The following ZNF787 variants were observed in gnomAD, a reference collection of about 807,000 sequenced individuals.
ZNF787 encodes zinc finger protein 787.
Under a neutral mutation model 16.9 loss-of-function variants are expected in ZNF787, and 7 were observed. The observed-to-expected ratio is 0.42, with a 90% CI of 0.24 to 0.78. ZNF787 has a LOEUF of 0.78. Among genes scored for constraint, ZNF787 ranks in the 30% least tolerant of loss-of-function variants. The probability of loss-of-function intolerance (pLI) is 0.30; values close to 1 mark genes in which losing one functional copy is unlikely to be tolerated. For synonymous variants in ZNF787, 345 were observed against 270.9 expected (o/e 1.27, Z -2.69); for missense variants, 551 against 589.3 (o/e 0.94, Z 0.67).
At chr19:56,107,809 T>C (rs535393) in intron 1 of ZNF787, among the ~76,000 whole-genome samples, 137,956 of 150,556 alleles carry the variant, frequency 0.92, 63,775 homozygotes, top group Non-Finnish European at 0.99. Flanking sequence ...GGCAGCAGCT[T>C]GAAGGCCGGG....
chr19:56,110,326 C>T (rs1383032676), intron 1 of ZNF787, among the ~76,000 whole-genome samples: 1 of 150,542 alleles, frequency 6.6e-6, no homozygotes, highest in Non-Finnish European at 1.5e-5. Context: ...CACGCCACTG[C>T]ACTCCAGCCT....
At position 56,087,986 on chromosome 19, in the gene ZNF787, G is replaced by C; in HGVS notation, c.*37C>G. The C allele has an allele frequency of 7.0e-6, 9 of 1,292,180 alleles. No individual in the cohort carries two copies. Among genetic ancestry groups the C allele is most frequent in the Non-Finnish European group, 8.8e-6 (9 of 1,025,138 alleles). 80.0% of individuals were successfully genotyped at this position (1,292,180 alleles called of 1,614,324 possible). A position where few individuals can be genotyped will look rare whatever the true frequency, so the allele number is the denominator to read the frequency against. On this transcript the variant is annotated 3_prime_UTR_variant, in exon 3 of 3. Transcript: ENST00000610935. Reference sequence around the variant, plus strand: ...GCACGTCGTCGCTCCCGCCAAGCCCGAGGGGCCCTGCCCGCCCCCCCCCCC... The same window carrying C: ...GCACGTCGTCGCTCCCGCCAAGCCCCAGGGGCCCTGCCCGCCCCCCCCCCC...
chr19:56,093,245 G>A (rs1427225642), intron 2 of ZNF787, among the ~76,000 whole-genome samples: 1 of 149,912 alleles, frequency 6.7e-6, no homozygotes, highest in East Asian at 2.0e-4. Flanking sequence ...CACAGGGGAT[G>A]ACAGAATTGA....
At chr19:56,108,578 TG>T (rs2123420659) in intron 1 of ZNF787, among the ~76,000 whole-genome samples, 1 of 152,162 alleles carries the variant, frequency 6.6e-6, no homozygotes, top group Non-Finnish European at 1.5e-5. Flanking sequence ...TTAGCTGGCC[TG>T]TCCTCCCGGC....
intron 2 of ZNF787, among the ~76,000 whole-genome samples, chr19:56,093,022 T>C (rs1985705598): frequency 6.9e-6 from 1 of 145,982 alleles, no homozygotes; most frequent in Admixed American, 6.8e-5. Context: ...GTGGCGGAAG[T>C]GGGCTACCCC....
At chr19:56,117,962 ACT>A (rs1376048329) in intron 1 of ZNF787, among the ~76,000 whole-genome samples, 2 of 152,170 alleles carry the variant, frequency 1.3e-5, no homozygotes, top group African/African-American at 4.8e-5. Context: ...AGACGTCCAC[ACT>A]CTGTGAGCCC....
chr19:56,111,931 G>C (rs533948794), intron 1 of ZNF787, among the ~76,000 whole-genome samples: 2 of 152,206 alleles, frequency 1.3e-5, no homozygotes, highest in Admixed American at 6.5e-5. Context: ...TGGGGACTGA[G>C]TGGAGGCTTC....
At chr19:56,099,721 A>G (rs1308020398) in intron 2 of ZNF787, among the ~76,000 whole-genome samples, 1 of 150,892 alleles carries the variant, frequency 6.6e-6, no homozygotes, top group Admixed American at 6.6e-5. Context: ...AAAAAAAAAA[A>G]AAAAGAAAAG....
At chr19:56,093,162 T>A (rs1038666050) in intron 2 of ZNF787, among the ~76,000 whole-genome samples, 1 of 134,504 alleles carries the variant, frequency 7.4e-6, no homozygotes, top group Non-Finnish European at 1.6e-5. Context: ...ACTGGGATAT[T>A]CCATAGACAC....
At chr19:56,116,173 G>A (rs1250353666) in intron 1 of ZNF787, among the ~76,000 whole-genome samples, 1 of 152,114 alleles carries the variant, frequency 6.6e-6, no homozygotes, top group East Asian at 1.9e-4. Context: ...TGGGCGCGGT[G>A]GCTCACACCT....
rs369628155 is a variant in ZNF787 at position 56,116,908 on chromosome 19, C to T, written c.-11+4264G>A. On this transcript the variant is annotated intron_variant, in intron 1 of 2. Coordinates refer to ENST00000610935, the MANE Select transcript of ZNF787 (RefSeq NM_001002836.4). Reference sequence around the variant, plus strand: ...GACAAAAGATCACACTCATCAAGCACGGATTAAATCCCAGGTCCTGGGTGC... The same window carrying T: ...GACAAAAGATCACACTCATCAAGCATGGATTAAATCCCAGGTCCTGGGTGC... 9.6e-4 allele frequency among the ~76,000 whole-genome samples: 146 copies of T among 152,332 alleles called. 1 individual carries two copies. The highest frequency in any genetic ancestry group is 3.3e-3 in the African/African-American group (139 of 41,564).
At chr19:56,097,636 TC>T (rs768374824) in intron 2 of ZNF787, among the ~76,000 whole-genome samples, 11 of 152,224 alleles carry the variant, frequency 7.2e-5, no homozygotes, top group Non-Finnish European at 1.3e-4. Flanking sequence ...TTTATTTTGG[TC>T]TCCTATAAAA....
chr19:56,101,452 G>A (rs933851537), intron 2 of ZNF787, among the ~76,000 whole-genome samples: 2 of 152,226 alleles, frequency 1.3e-5, no homozygotes, highest in African/African-American at 4.8e-5. Flanking sequence ...CTGGACAAGG[G>A]GACCTGACAC....
intron 2 of ZNF787, among the ~76,000 whole-genome samples, chr19:56,096,964 T>C (rs1480880816): frequency 2.0e-5 from 3 of 152,040 alleles, no homozygotes; most frequent in African/African-American, 7.2e-5. Flanking sequence ...CATCGGGAAC[T>C]CCATCTGGGG....
chr19:56,097,891 G>A (rs1985930064), intron 2 of ZNF787, among the ~76,000 whole-genome samples: 1 of 152,136 alleles, frequency 6.6e-6, no homozygotes, highest in African/African-American at 2.4e-5. Context: ...AGTAAGAGAT[G>A]GGGTGGGGAG....
chr19:56,107,488 CGGG>C (rs1986370518), intron 1 of ZNF787, among the ~76,000 whole-genome samples: 2 of 151,566 alleles, frequency 1.3e-5, no homozygotes, highest in African/African-American at 4.9e-5. Context: ...ACGGGGTCAC[CGGG>C]AGACACGGGG....
chr19:56,091,941 C>CGAAACCGAAACCG (rs1355442364), intron 2 of ZNF787, among the ~76,000 whole-genome samples: 13 of 122,214 alleles, frequency 1.1e-4, no homozygotes, highest in African/African-American at 3.1e-4. Flanking sequence ...AAGCCGAAGC[C>CGAAACCGAAACCG]AAAGCCAAAG....
chr19:56,117,234 T>C (rs1452086291), intron 1 of ZNF787, among the ~76,000 whole-genome samples: 1 of 152,156 alleles, frequency 6.6e-6, no homozygotes, highest in Non-Finnish European at 1.5e-5. Context: ...ACAAGCAGAG[T>C]GGCTAGTACA....
In ZNF787 at chr19:56,103,218, G is replaced by A. The variant is rs530973105; in HGVS notation, c.-1C>T. 4 of 1,552,074 alleles carry A rather than the reference G, an allele frequency of 2.6e-6. No individual in the cohort carries two copies. Among genetic ancestry groups the A allele is most frequent in the South Asian group, 1.2e-5 (1 of 80,732 alleles). On this transcript the variant is annotated 5_prime_UTR_variant, in exon 2 of 3. Coordinates refer to ENST00000610935, the MANE Select transcript of ZNF787 (RefSeq NM_001002836.4). ...ACCAGGCTTCTTCCCGCAGCTCCAT[G>A]TCTGGGTCCCTGTTAGAAGGGGATG...
Sources: allele counts gnomAD v4.1 joint callset (sites outside exome capture counted in the v4.1 genomes callset), GRCh38; gene constraint gnomAD v4.1.1; transcripts MANE v1.5; gene names NCBI Gene and HGNC (gene_info 2026-07-23, HGNC 2026-07-21).